ITGBL1: variants seen among roughly 807,000 people sequenced by gnomAD.
The protein encoded by ITGBL1 is integrin beta-like protein 1.
A neutral mutation model predicts 68.5 loss-of-function variants in ITGBL1; 51 were observed. The observed-to-expected ratio is 0.74, with a 90% confidence interval of 0.59 to 0.94. The LOEUF (loss-of-function observed/expected upper bound fraction) is 0.94. Among genes scored for constraint, ITGBL1 ranks in the 40% least tolerant of loss-of-function variants. The pLI is 0.00. For missense variants in ITGBL1, 649 were observed against 647.4 expected (o/e 1.00, Z -0.03); for synonymous variants, 209 against 227.3 (o/e 0.92, Z 0.72).
chr13:101,650,620 CTT>C (rs55874443), intron 7 of ITGBL1, among the ~76,000 whole-genome samples: 45 of 137,340 alleles, frequency 3.3e-4, no homozygotes, highest in Admixed American at 3.6e-4. Flanking sequence ...TCTTTTTTTT[CTT>C]TTTTTTTTTT....
At chr13:101,595,490 A>G (rs1215036554) in intron 6 of ITGBL1, among the ~76,000 whole-genome samples, 1 of 144,700 alleles carries the variant, frequency 6.9e-6, no homozygotes, top group South Asian at 2.2e-4. Flanking sequence ...TCTAACTCAT[A>G]CAACTCAATA....
chr13:101,632,268 A>G (rs1449971536), intron 7 of ITGBL1, among the ~76,000 whole-genome samples: 1 of 152,146 alleles, frequency 6.6e-6, no homozygotes, highest in Non-Finnish European at 1.5e-5. Flanking sequence ...CAGATGTTAC[A>G]AAAGAAGGTA....
intron 9 of ITGBL1, among the ~76,000 whole-genome samples, chr13:101,710,621 T>A (rs1371532251): frequency 6.6e-6 from 1 of 152,196 alleles, no homozygotes; most frequent in Non-Finnish European, 1.5e-5. Flanking sequence ...CTCAAATTTG[T>A]CAATGAAAGT....
intron 2 of ITGBL1, among the ~76,000 whole-genome samples, chr13:101,483,603 A>G (rs2048658041): frequency 6.6e-6 from 1 of 152,216 alleles, no homozygotes; most frequent in African/African-American, 2.4e-5. Flanking sequence ...TTTTAGTTTC[A>G]TAACCTTGAT....
intron 6 of ITGBL1, among the ~76,000 whole-genome samples, chr13:101,586,026 G>C (rs550887741): frequency 1.3e-5 from 2 of 152,208 alleles, no homozygotes; most frequent in African/African-American, 4.8e-5. Flanking sequence ...GTAAAGATGG[G>C]TGATCACTCC....
rs763520953 is a variant in ITGBL1, at chr13:101,567,782, T to A, written c.400T>A (p.Leu134Met). 2 of 1,613,322 alleles carry A rather than the reference T, an allele frequency of 1.2e-6. No homozygotes were observed. Among genetic ancestry groups the A allele is most frequent in the South Asian group, 2.2e-5 (2 of 91,066 alleles). The change falls in exon 3 of 11, where the codon TTG becomes ATG. Residue 134 changes from leucine (L) to methionine (M), a missense_variant. Physicochemically the swap from Leu to Met is conservative, Grantham distance 15. Coordinates refer to ENST00000376180, the MANE Select transcript of ITGBL1 (RefSeq NM_004791.3). Reference sequence around the variant, plus strand: ...TTGCCAGTACCCAACTAACTGTGACTTGACAAAGAAGAAAAGTAACCAAAT... The same window carrying A: ...TTGCCAGTACCCAACTAACTGTGACATGACAAAGAAGAAAAGTAACCAAAT... ...DACQYPTNCDLTKKKSNQMCK... is the reference protein window; with the variant it reads ...DACQYPTNCDMTKKKSNQMCK...
chr13:101,503,949 C>A (rs1419598607), intron 2 of ITGBL1, among the ~76,000 whole-genome samples: 1 of 152,114 alleles, frequency 6.6e-6, no homozygotes, highest in East Asian at 1.9e-4. Flanking sequence ...ATCGTGAAAT[C>A]ATTATTCTCA....
intron 8 of ITGBL1, 143 bp downstream of exon 8, chr13:101,692,844 A>T: frequency 1.5e-6 from 1 of 673,036 alleles, no homozygotes; most frequent in South Asian, 1.8e-5. Flanking sequence ...TAAAAGCAAT[A>T]TACAATTAGG....
chr13:101,499,524 G>A (rs149831193), intron 2 of ITGBL1, among the ~76,000 whole-genome samples: 1,722 of 152,238 alleles, frequency 0.011, 67 homozygotes, highest in Admixed American at 0.072. Context: ...CCTTAAGTTC[G>A]TTTCTCCCGA....
chr13:101,606,100 C>G (rs1277611404), intron 7 of ITGBL1, among the ~76,000 whole-genome samples: 1 of 83,458 alleles, frequency 1.2e-5, no homozygotes, highest in Non-Finnish European at 2.7e-5. Flanking sequence ...TATATATATG[C>G]TCTCTCTCTC....
rs1159465163 is a variant in ITGBL1, at chr13:101,706,768, G to A, written c.1145G>A (p.Cys382Tyr). 3 of 1,614,126 alleles carry A rather than the reference G, an allele frequency of 1.9e-6. No homozygotes were observed. The highest frequency in any genetic ancestry group is 1.1e-5 in the South Asian group (1 of 91,078). The change falls in exon 9 of 11, where the codon TGT (cysteine) becomes TAT (tyrosine). Residue 382 changes from cysteine (C) to tyrosine (Y), a missense_variant. Physicochemically the swap from Cys to Tyr is radical, Grantham distance 194. Transcript: ENST00000376180. Reference protein sequence around the residue: ...DGVVCGGHGTCSCGRCVCERG... With the variant: ...DGVVCGGHGTYSCGRCVCERG... ...GGTTGCTTCACAGGCCACGGCACAT[G>A]TTCCTGTGGTCGCTGTGTTTGTGAG...
At chr13:101,531,691 T>TTTATTTTGTTA (rs1566718455) in intron 2 of ITGBL1, among the ~76,000 whole-genome samples, 2 of 143,558 alleles carry the variant, frequency 1.4e-5, no homozygotes, top group Admixed American at 7.1e-5. Context: ...GTTTTATTTT[T>TTTATTTTGTTA]TTTATTTTGT....
intron 8 of ITGBL1, among the ~76,000 whole-genome samples, chr13:101,704,877 AAATC>A (rs1230236898): frequency 6.6e-6 from 1 of 152,182 alleles, no homozygotes; most frequent in Non-Finnish European, 1.5e-5. Context: ...CTTTGCATGT[AAATC>A]AAGCTAGGTG....
intron 3 of ITGBL1, among the ~76,000 whole-genome samples, chr13:101,573,997 A>G (rs912233187): frequency 1.5e-4 from 23 of 152,134 alleles, no homozygotes; most frequent in Non-Finnish European, 5.9e-5. Flanking sequence ...CAAATATAAC[A>G]GCCTTTTAAC....
intron 2 of ITGBL1, among the ~76,000 whole-genome samples, chr13:101,547,247 A>C (rs903203832): frequency 6.6e-6 from 1 of 151,626 alleles, no homozygotes; most frequent in Admixed American, 6.6e-5. Context: ...TTTTGAATTT[A>C]TTATGAAAGC....
intron 2 of ITGBL1, among the ~76,000 whole-genome samples, chr13:101,522,869 G>A (rs1283507901): frequency 3.3e-5 from 5 of 152,152 alleles, no homozygotes; most frequent in Admixed American, 3.3e-4. Context: ...AGTAGGAATG[G>A]AATAAAGTCT....
chr13:101,533,259 A>T (rs2049513429), intron 2 of ITGBL1, among the ~76,000 whole-genome samples: 3 of 152,184 alleles, frequency 2.0e-5, no homozygotes, highest in Non-Finnish European at 2.9e-5. Context: ...GAAGAGCCAG[A>T]CCCACCTCTG....
intron 8 of ITGBL1, among the ~76,000 whole-genome samples, chr13:101,698,635 T>A (rs146808781): frequency 6.6e-6 from 1 of 152,336 alleles, no homozygotes; most frequent in African/African-American, 2.4e-5. Context: ...TTATGCAACC[T>A]ATGCATGCAT....
intron 2 of ITGBL1, among the ~76,000 whole-genome samples, chr13:101,496,740 A>C (rs1161853618): frequency 1.3e-5 from 2 of 152,196 alleles, no homozygotes; most frequent in Non-Finnish European, 2.9e-5. Context: ...ATTATGTTGA[A>C]TATTAATTCC....
Sources: allele counts gnomAD v4.1 joint callset (sites outside exome capture counted in the v4.1 genomes callset), GRCh38; gene constraint gnomAD v4.1.1; transcripts MANE v1.5; gene names NCBI Gene and HGNC (gene_info 2026-07-23, HGNC 2026-07-21).